STXBP5L: variants seen among roughly 807,000 people sequenced by gnomAD.
The protein encoded by STXBP5L is syntaxin-binding protein 5-like.
In STXBP5L, 65 loss-of-function variants were observed where a neutral mutation model predicts 144.5. That is an observed-to-expected ratio of 0.45 (90% CI 0.37 to 0.55). STXBP5L has a LOEUF of 0.55. Ranked by LOEUF, STXBP5L falls within the 20% of genes least tolerant of loss-of-function variation. The pLI, the probability that STXBP5L is intolerant of heterozygous loss-of-function variation, is 0.00. For synonymous variants in STXBP5L, 505 were observed against 469.6 expected, an observed-to-expected ratio of 1.08 and a Z score of -0.97; for missense variants, 1,298 against 1,405.5, an observed-to-expected ratio of 0.92 and a Z score of 1.22.
intron 5 of STXBP5L, among the ~76,000 whole-genome samples, chr3:121,079,700 G>A (rs2042172555): frequency 6.6e-6 from 1 of 152,162 alleles, no homozygotes; most frequent in Non-Finnish European, 1.5e-5. Flanking sequence ...TACTTGATAT[G>A]ATTTTGATTT....
At chr3:121,227,168 TA>T (rs1195061346) in intron 11 of STXBP5L, among the ~76,000 whole-genome samples, 42 of 152,226 alleles carry the variant, frequency 2.8e-4, no homozygotes, top group African/African-American at 9.6e-4. Context: ...GAGGATACTT[TA>T]CCAAAATATT....
intron 10 of STXBP5L, among the ~76,000 whole-genome samples, chr3:121,213,668 ATTT>A (rs1487668065): frequency 1.8e-5 from 2 of 112,736 alleles, no homozygotes; most frequent in African/African-American, 3.0e-5. Context: ...TTGGCCTGAA[ATTT>A]TGTTGTTGTT....
At chr3:121,041,609 C>T in intron 3 of STXBP5L, 91 bp from the exon 4 acceptor site, 1 of 958,544 alleles carries the variant, frequency 1.0e-6, no homozygotes, top group Non-Finnish European at 1.6e-6. Context: ...AACCAAATAG[C>T]AAAACATCTG....
chr3:121,384,281 G>A (rs561405623), intron 22 of STXBP5L, among the ~76,000 whole-genome samples: 1 of 152,234 alleles, frequency 6.6e-6, no homozygotes, highest in African/African-American at 2.4e-5. Flanking sequence ...GCATGGCAGG[G>A]GGATTTGGGG....
chr3:121,274,285 C>G (rs144883840), intron 18 of STXBP5L, among the ~76,000 whole-genome samples: 23 of 152,304 alleles, frequency 1.5e-4, no homozygotes, highest in African/African-American at 5.3e-4. Context: ...GCAACATCTC[C>G]TGTTTTAAGA....
intron 20 of STXBP5L, among the ~76,000 whole-genome samples, chr3:121,362,322 C>G (rs1397898182): frequency 1.3e-5 from 2 of 152,208 alleles, no homozygotes; most frequent in Non-Finnish European, 2.9e-5. Context: ...TCCTGGGGCT[C>G]TATGATCTGC....
chr3:120,936,107 CTT>C (rs1009970532), intron 2 of STXBP5L, among the ~76,000 whole-genome samples: 10 of 152,128 alleles, frequency 6.6e-5, no homozygotes, highest in African/African-American at 2.2e-4. Context: ...CAAGCTCACT[CTT>C]TTCTTTCTTC....
chr3:121,116,059 G>A (rs2044218877), intron 6 of STXBP5L, among the ~76,000 whole-genome samples: 1 of 152,028 alleles, frequency 6.6e-6, no homozygotes. Flanking sequence ...ATGAGCTTTG[G>A]GCAGGGACAA....
intron 5 of STXBP5L, among the ~76,000 whole-genome samples, chr3:121,067,067 T>A (rs903712150): frequency 2.6e-5 from 4 of 152,084 alleles, no homozygotes; most frequent in Admixed American, 1.3e-4. Context: ...TTATCTTTTT[T>A]AAAAATAAGT....
chr3:121,148,426 C>T (rs1287309211), intron 7 of STXBP5L, among the ~76,000 whole-genome samples: 2 of 151,952 alleles, frequency 1.3e-5, no homozygotes, highest in Non-Finnish European at 2.9e-5. Context: ...TAAAATTTAC[C>T]TTCTCTTCAT....
At chr3:121,132,862 G>T (rs2045058933) in intron 7 of STXBP5L, among the ~76,000 whole-genome samples, 3 of 152,058 alleles carry the variant, frequency 2.0e-5, no homozygotes, top group Admixed American at 2.0e-4. Context: ...CACTAGAGGG[G>T]TCAATAGCAG....
intron 7 of STXBP5L, among the ~76,000 whole-genome samples, chr3:121,142,658 C>T (rs567393386): frequency 1.3e-5 from 2 of 151,792 alleles, no homozygotes; most frequent in African/African-American, 4.8e-5. Flanking sequence ...ACAACCATTG[C>T]CTCAATAAGA....
At chr3:120,918,665 C>G (rs894420893) in intron 2 of STXBP5L, among the ~76,000 whole-genome samples, 3 of 152,134 alleles carry the variant, frequency 2.0e-5, no homozygotes, top group African/African-American at 7.2e-5. Flanking sequence ...TTTATATAAT[C>G]TAACATGTAG....
chr3:121,358,325 C>A (rs1402572614), intron 20 of STXBP5L, among the ~76,000 whole-genome samples: 13 of 152,098 alleles, frequency 8.5e-5, no homozygotes, highest in African/African-American at 3.1e-4. Context: ...CTATAAAGAA[C>A]TACCTGAGAC....
At chr3:121,024,182 T>C (rs1205074313) in intron 3 of STXBP5L, among the ~76,000 whole-genome samples, 2 of 152,184 alleles carry the variant, frequency 1.3e-5, no homozygotes, top group African/African-American at 4.8e-5. Flanking sequence ...TCTAAAAAAG[T>C]ATTGCTGTCC....
chr3:121,130,324 G>A (rs2044922143), intron 7 of STXBP5L, among the ~76,000 whole-genome samples: 1 of 152,068 alleles, frequency 6.6e-6, no homozygotes, highest in Admixed American at 6.6e-5. Context: ...AAATGACTAT[G>A]TTACCTGTGC....
chr3:121,012,104 A>G (rs1029328918), intron 3 of STXBP5L, among the ~76,000 whole-genome samples: 3 of 151,904 alleles, frequency 2.0e-5, no homozygotes, highest in Non-Finnish European at 4.4e-5. Flanking sequence ...ATTTCATTTA[A>G]TATAATGTTT....
chr3:121,106,554 G>T (rs868394230), intron 5 of STXBP5L, among the ~76,000 whole-genome samples: 2 of 152,054 alleles, frequency 1.3e-5, no homozygotes, highest in Non-Finnish European at 2.9e-5. Context: ...CTCCATCCTT[G>T]TCCCTGCAAA....
chr3:121,368,531 T>A (rs2045932840), intron 20 of STXBP5L, among the ~76,000 whole-genome samples: 1 of 152,114 alleles, frequency 6.6e-6, no homozygotes. Flanking sequence ...CTTCCCTGTC[T>A]CTTTGTGTAC....
Sources: allele counts gnomAD v4.1 joint callset (sites outside exome capture counted in the v4.1 genomes callset), GRCh38; gene constraint gnomAD v4.1.1; transcripts MANE v1.5; gene names NCBI Gene and HGNC (gene_info 2026-07-23, HGNC 2026-07-21).